Variants in RABGAP1L observed in about 807,000 individuals in gnomAD.
RABGAP1L encodes the protein rab GTPase-activating protein 1-like.
Under a neutral mutation model 137.7 loss-of-function variants are expected in RABGAP1L, and 63 were observed. The ratio of observed to expected loss-of-function variants is 0.46; its 90% CI spans 0.37 to 0.56. The LOEUF (loss-of-function observed/expected upper bound fraction) is 0.56, where lower values mean the gene tolerates loss of function less well. Ranked by LOEUF, RABGAP1L falls within the 20% of genes least tolerant of loss-of-function variation. The probability of loss-of-function intolerance (pLI) is 0.00; values close to 1 mark genes in which losing one functional copy is unlikely to be tolerated. For synonymous variants in RABGAP1L, 431 were observed against 433.7 expected (o/e 0.99, Z 0.08); for missense variants, 1,095 against 1,244.0 (o/e 0.88, Z 1.80).
At chr1:174,369,157 T>C (rs10912771) in intron 11 of RABGAP1L, among the ~76,000 whole-genome samples, 2,517 of 152,266 alleles carry the variant, frequency 0.017, 48 homozygotes, top group African/African-American at 0.058. Flanking sequence ...AGTCCTTGTT[T>C]GCGTGACATA....
intron 7 of RABGAP1L, among the ~76,000 whole-genome samples, chr1:174,267,206 T>C (rs530056198): frequency 2.0e-5 from 3 of 152,314 alleles, no homozygotes; most frequent in African/African-American, 7.2e-5. Flanking sequence ...GATTATGCAA[T>C]TTCTTTATCT....
chr1:174,267,502 C>A (rs1331103112), intron 7 of RABGAP1L, among the ~76,000 whole-genome samples: 1 of 151,972 alleles, frequency 6.6e-6, no homozygotes, highest in East Asian at 1.9e-4. Flanking sequence ...CATGAATGTT[C>A]CAGGGGAAAT....
chr1:174,498,138 TC>T (rs1660911082), intron 13 of RABGAP1L, among the ~76,000 whole-genome samples: 1 of 152,166 alleles, frequency 6.6e-6, no homozygotes, highest in South Asian at 2.1e-4. Flanking sequence ...AGCTTTGAAT[TC>T]ACTGATATGT....
At chr1:174,319,241 C>T (rs1425683143) in intron 11 of RABGAP1L, among the ~76,000 whole-genome samples, 1 of 151,990 alleles carries the variant, frequency 6.6e-6, no homozygotes, top group Non-Finnish European at 1.5e-5. Context: ...TAATTTTCCT[C>T]ATAGATCATG....
chr1:174,359,052 C>T (rs1683909221), intron 11 of RABGAP1L, among the ~76,000 whole-genome samples: 1 of 152,304 alleles, frequency 6.6e-6, no homozygotes, highest in South Asian at 2.1e-4. Context: ...TAGGATTTAG[C>T]TAAGCCTCTT....
chr1:174,767,755 T>C (rs1335784347), intron 18 of RABGAP1L, among the ~76,000 whole-genome samples: 1 of 152,166 alleles, frequency 6.6e-6, no homozygotes, highest in African/African-American at 2.4e-5. Context: ...TGTATTAGTA[T>C]GTTTTCATGC....
At chr1:174,950,978 T>C (rs191800540) in intron 19 of RABGAP1L, among the ~76,000 whole-genome samples, 3 of 152,342 alleles carry the variant, frequency 2.0e-5, no homozygotes, top group Non-Finnish European at 4.4e-5. Flanking sequence ...CCCTGAATGA[T>C]AGCTCTTACA....
chr1:174,179,113 T>A (rs1213099335), intron 1 of RABGAP1L, among the ~76,000 whole-genome samples: 1 of 152,240 alleles, frequency 6.6e-6, no homozygotes, highest in Non-Finnish European at 1.5e-5. Flanking sequence ...TCTTGCTGTG[T>A]TGCCCAGGCT....
chr1:174,267,623 G>C (rs1674180996), intron 7 of RABGAP1L, among the ~76,000 whole-genome samples: 1 of 152,172 alleles, frequency 6.6e-6, no homozygotes. Context: ...GAATATGACA[G>C]TTTGCCAAGA....
intron 19 of RABGAP1L, chr1:174,921,987 A>G (rs1661892660): frequency 6.6e-6 from 1 of 152,232 alleles, no homozygotes; most frequent in African/African-American, 2.4e-5. Flanking sequence ...TGAAATCAAT[A>G]TGGGGGATGC....
intron 1 of RABGAP1L, among the ~76,000 whole-genome samples, chr1:174,162,777 G>GTTTTTTTTTTTTTTTTTTT (rs67811794): frequency 1.9e-5 from 1 of 51,554 alleles, no homozygotes; most frequent in Non-Finnish European, 3.3e-5. Context: ...TTCTCTTTCT[G>GTTTTTTTTTTTTTTTTTTT]TTTTTTTTTT....
intron 20 of RABGAP1L, among the ~76,000 whole-genome samples, chr1:174,966,218 A>G (rs1488919600): frequency 6.6e-6 from 1 of 152,210 alleles, no homozygotes; most frequent in Non-Finnish European, 1.5e-5. Flanking sequence ...TAATGTACAT[A>G]ATAGTCGAGG....
At chr1:174,648,206 C>T (rs1360753299) in intron 14 of RABGAP1L, among the ~76,000 whole-genome samples, 1 of 151,990 alleles carries the variant, frequency 6.6e-6, no homozygotes, top group Non-Finnish European at 1.5e-5. Flanking sequence ...CTATCTCCTT[C>T]AGTTCTGCTC....
At chr1:174,879,887 T>C (rs185101859) in intron 19 of RABGAP1L, among the ~76,000 whole-genome samples, 49 of 151,014 alleles carry the variant, frequency 3.2e-4, no homozygotes, top group Admixed American at 1.5e-3. Flanking sequence ...AGGCCAGGAG[T>C]TCAAGACCAA....
chr1:174,312,909 A>G (rs192021494), intron 11 of RABGAP1L, among the ~76,000 whole-genome samples: 1 of 152,138 alleles, frequency 6.6e-6, no homozygotes, highest in East Asian at 1.9e-4. Context: ...TTCACTGTAG[A>G]CGTATGGATT....
intron 9 of RABGAP1L, among the ~76,000 whole-genome samples, chr1:174,277,464 A>G (rs1221146728): frequency 6.6e-6 from 1 of 151,654 alleles, no homozygotes; most frequent in Non-Finnish European, 1.5e-5. Flanking sequence ...TTATTTTGCA[A>G]TAAAATATAT....
chr1:174,538,396 A>C (rs1665068496), intron 13 of RABGAP1L, among the ~76,000 whole-genome samples: 1 of 152,222 alleles, frequency 6.6e-6, no homozygotes, highest in South Asian at 2.1e-4. Flanking sequence ...ACTACGTAAG[A>C]ATAATCTTTT....
intron 13 of RABGAP1L, among the ~76,000 whole-genome samples, chr1:174,467,451 G>A (rs1339451791): frequency 6.6e-6 from 1 of 151,616 alleles, no homozygotes; most frequent in Non-Finnish European, 1.5e-5. Context: ...GTTGAGAATT[G>A]CCTGGGTATT....
intron 10 of RABGAP1L, among the ~76,000 whole-genome samples, chr1:174,302,916 A>G (rs995070673): frequency 2.0e-5 from 3 of 152,248 alleles, no homozygotes; most frequent in Admixed American, 2.0e-4. Context: ...AAGTATGATC[A>G]GTCAGTAAAT....
Sources: gnomAD v4.1 joint callset for allele counts (sites outside exome capture counted in the v4.1 genomes callset) on GRCh38, gnomAD v4.1.1 for gene constraint, MANE v1.5 for transcripts, NCBI Gene and HGNC (gene_info 2026-07-23, HGNC 2026-07-21) for gene names.